The following ZMIZ1 variants were observed in gnomAD, a reference collection of about 807,000 sequenced individuals.
The protein encoded by ZMIZ1 is zinc finger MIZ domain-containing protein 1.
Under a neutral mutation model 113.9 loss-of-function variants are expected in ZMIZ1, and 17 were observed. The ratio of observed to expected loss-of-function variants is 0.15; its 90% confidence interval spans 0.10 to 0.22. The LOEUF (loss-of-function observed/expected upper bound fraction) is 0.22. ZMIZ1 is among the 10% of genes least tolerant of loss of function. The pLI is 1.00. For synonymous variants in ZMIZ1, 607 were observed against 603.1 expected, an observed-to-expected ratio of 1.01 and a Z score of -0.09; for missense variants, 1,059 against 1,477.8, an observed-to-expected ratio of 0.72 and a Z score of 4.65.
intron 7 of ZMIZ1, among the ~76,000 whole-genome samples, chr10:79,232,580 T>C (rs1435147410): frequency 1.3e-5 from 2 of 152,124 alleles, no homozygotes; most frequent in Non-Finnish European, 2.9e-5. Flanking sequence ...GGATGCAATC[T>C]TCCCAGCATC....
Position 79,305,254 on chromosome 10 carries a change from G to A in ZMIZ1, c.2354+23G>A, listed in dbSNP as rs761677250. On this transcript the variant is annotated intron_variant, in intron 20 of 24. Transcript: ENST00000334512. ...CAAGTGAGTGATGCCCACCCCGGTG[G>A]GGGCTTCCCCCATCCCCCAACCACA... The A allele has an allele frequency of 1.4e-4, 233 of 1,613,188 alleles. 1 individual carries two copies. Among genetic ancestry groups the A allele is most frequent in the Non-Finnish European group, 5.1e-6 (6 of 1,179,588 alleles).
intron 2 of ZMIZ1, among the ~76,000 whole-genome samples, chr10:79,119,910 G>A (rs1304343654): frequency 6.8e-6 from 1 of 147,128 alleles, no homozygotes; most frequent in Non-Finnish European, 1.5e-5. Context: ...AACACTTACT[G>A]TGTGCCAACT....
chr10:79,077,428 G>A (rs1842509796), intron 1 of ZMIZ1, among the ~76,000 whole-genome samples: 1 of 151,664 alleles, frequency 6.6e-6, no homozygotes, highest in East Asian at 1.9e-4. Context: ...GAGAGGTGGT[G>A]GGATTGGCTG....
chr10:79,220,281 C>G (rs1848912477), intron 7 of ZMIZ1, among the ~76,000 whole-genome samples: 1 of 152,220 alleles, frequency 6.6e-6, no homozygotes. Flanking sequence ...TCCAGCCTTC[C>G]TCCTCTGCTT....
At chr10:79,231,398 C>A (rs117563430) in intron 7 of ZMIZ1, among the ~76,000 whole-genome samples, 1 of 152,270 alleles carries the variant, frequency 6.6e-6, no homozygotes, top group Non-Finnish European at 1.5e-5. Flanking sequence ...CAGGCAACCA[C>A]CACCATGGCT....
intron 1 of ZMIZ1, among the ~76,000 whole-genome samples, chr10:79,076,408 G>A (rs748346393): frequency 1.5e-4 from 23 of 152,178 alleles, no homozygotes; most frequent in Non-Finnish European, 2.5e-4. Flanking sequence ...ACGAAGGATG[G>A]GGAGTTTTCA....
intron 8 of ZMIZ1, among the ~76,000 whole-genome samples, chr10:79,288,057 AGGCT>A (rs753042568): frequency 6.6e-6 from 1 of 152,320 alleles, no homozygotes; most frequent in East Asian, 1.9e-4. Flanking sequence ...GGGGCTGGCC[AGGCT>A]GAGAAATCTA....
chr10:79,181,052 CCGT>C (rs1414400595), intron 4 of ZMIZ1, among the ~76,000 whole-genome samples: 1 of 152,212 alleles, frequency 6.6e-6, no homozygotes, highest in African/African-American at 2.4e-5. Flanking sequence ...GACAGTGTGG[CCGT>C]GTGTGGGATG....
intron 7 of ZMIZ1, among the ~76,000 whole-genome samples, chr10:79,218,584 GGTGT>G (rs55736085): frequency 6.8e-6 from 1 of 147,788 alleles, no homozygotes; most frequent in African/African-American, 2.6e-5. Context: ...TAATTAGAGG[GGTGT>G]GTGTGTGTGT....
chr10:79,258,051 A>G (rs1332798715), intron 7 of ZMIZ1, among the ~76,000 whole-genome samples: 2 of 152,226 alleles, frequency 1.3e-5, no homozygotes, highest in African/African-American at 2.4e-5. Context: ...GGGAGCCAGT[A>G]TCCCCATGTG....
intron 23 of ZMIZ1, among the ~76,000 whole-genome samples, chr10:79,310,343 G>A (rs1296323359): frequency 6.6e-6 from 1 of 152,210 alleles, no homozygotes; most frequent in Non-Finnish European, 1.5e-5. Flanking sequence ...TGCAGGGCTT[G>A]TGCCAAGGCC....
intron 8 of ZMIZ1, among the ~76,000 whole-genome samples, chr10:79,287,962 G>A (rs1379346582): frequency 6.6e-6 from 1 of 152,242 alleles, no homozygotes; most frequent in Admixed American, 6.5e-5. Flanking sequence ...GGGTGAGGGG[G>A]CAGGCAGTGT....
intron 13 of ZMIZ1, 112 bp from the exon 14 acceptor site, chr10:79,297,501 T>C: frequency 2.3e-6 from 2 of 877,336 alleles, no homozygotes. Flanking sequence ...CAGCAGTGGA[T>C]GGGCCCCTGT....
At chr10:79,195,653 AG>A (rs1847802722) in intron 4 of ZMIZ1, among the ~76,000 whole-genome samples, 1 of 152,184 alleles carries the variant, frequency 6.6e-6, no homozygotes, top group African/African-American at 2.4e-5. Flanking sequence ...CACCTCCCAA[AG>A]GTGGCCGGTG....
intron 4 of ZMIZ1, among the ~76,000 whole-genome samples, chr10:79,194,360 G>T (rs745446597): frequency 6.6e-6 from 1 of 152,256 alleles, no homozygotes; most frequent in Non-Finnish European, 1.5e-5. Context: ...CTGGGTGCGT[G>T]TGCATTATGT....
At chr10:79,093,027 G>A (rs1407097318) in intron 1 of ZMIZ1, among the ~76,000 whole-genome samples, 1 of 151,748 alleles carries the variant, frequency 6.6e-6, no homozygotes, top group African/African-American at 2.4e-5. Flanking sequence ...GGGGTTCAAA[G>A]AGCAGTGGGG....
chr10:79,174,160 C>A (rs1008826800), intron 4 of ZMIZ1, among the ~76,000 whole-genome samples: 3 of 152,182 alleles, frequency 2.0e-5, no homozygotes, highest in African/African-American at 7.2e-5. Flanking sequence ...CAGGTTGCAC[C>A]CACCAGCTTT....
At chr10:79,257,022 C>G (rs572363281) in intron 7 of ZMIZ1, among the ~76,000 whole-genome samples, 1 of 152,348 alleles carries the variant, frequency 6.6e-6, no homozygotes, top group South Asian at 2.1e-4. Flanking sequence ...TACAGCCTCC[C>G]CAGACCCACA....
intron 4 of ZMIZ1, among the ~76,000 whole-genome samples, chr10:79,177,069 G>A (rs1012216960): frequency 6.6e-6 from 1 of 152,230 alleles, no homozygotes; most frequent in Admixed American, 6.5e-5. Context: ...AGCTGCAGCA[G>A]GGCCTGGGCT....
Sources: gnomAD v4.1 joint callset for allele counts (sites outside exome capture counted in the v4.1 genomes callset) on GRCh38, gnomAD v4.1.1 for gene constraint, MANE v1.5 for transcripts, NCBI Gene and HGNC (gene_info 2026-07-23, HGNC 2026-07-21) for gene names.